The following ELAPOR2 variants were observed in gnomAD, a reference collection of about 807,000 sequenced individuals.
ELAPOR2 encodes the protein endosome-lysosome associated apoptosis and autophagy regulator family member 2, also known as endosome/lysosome-associated apoptosis and autophagy regulator family member 2.
ELAPOR2 carries 89 observed loss-of-function variants against 120.7 expected under a neutral mutation model. That is an observed-to-expected ratio of 0.74 (90% CI 0.62 to 0.88). The LOEUF (loss-of-function observed/expected upper bound fraction) is 0.88. ELAPOR2 is among the 40% of genes least tolerant of loss of function. The pLI is 0.00. For synonymous variants in ELAPOR2, 444 were observed against 444.9 expected (o/e 1.00, Z 0.03); for missense variants, 1,134 against 1,251.6 (o/e 0.91, Z 1.42).
intron 1 of ELAPOR2, among the ~76,000 whole-genome samples, chr7:87,044,236 C>T (rs1460805444): frequency 1.1e-5 from 1 of 94,858 alleles, no homozygotes; most frequent in Non-Finnish European, 2.1e-5. Context: ...TGACTTTCTT[C>T]ACAGAATTGG....
intron 1 of ELAPOR2, among the ~76,000 whole-genome samples, chr7:87,048,251 A>ATT (rs1306590256): frequency 6.6e-6 from 1 of 152,146 alleles, no homozygotes; most frequent in Non-Finnish European, 1.5e-5. Context: ...TAGAAAAAAA[A>ATT]AAAAAAGAAA....
chr7:86,930,470 T>C (rs1173581078), intron 8 of ELAPOR2, among the ~76,000 whole-genome samples: 1 of 151,996 alleles, frequency 6.6e-6, no homozygotes, highest in African/African-American at 2.4e-5. Flanking sequence ...CTATTTTTAA[T>C]ATCCTCTATA....
At chr7:86,925,035 T>C (rs1248963744) in intron 10 of ELAPOR2, among the ~76,000 whole-genome samples, 1 of 152,046 alleles carries the variant, frequency 6.6e-6, no homozygotes, top group African/African-American at 2.4e-5. Context: ...CAACAACTGT[T>C]CTGTAGAACT....
chr7:86,988,520 T>C (rs763742644), intron 1 of ELAPOR2, among the ~76,000 whole-genome samples: 4 of 152,176 alleles, frequency 2.6e-5, no homozygotes, highest in Non-Finnish European at 5.9e-5. Context: ...GCAAATACTA[T>C]GTCATTTTAT....
intron 2 of ELAPOR2, among the ~76,000 whole-genome samples, chr7:86,949,647 C>T (rs1791156103): frequency 6.6e-6 from 1 of 152,182 alleles, no homozygotes; most frequent in Non-Finnish European, 1.5e-5. Flanking sequence ...GAGACGTCTG[C>T]TCCCCCTGCC....
Position 86,899,196 on chromosome 7 carries a change from G to A in ELAPOR2, c.2559-1564C>T, listed in dbSNP as rs555916494. ...CCTCAGCTTGCCTCTTTCATTCTGG[G>A]ACAGGTAAACATAGCATGGCTGAAA... On this transcript the variant is annotated intron_variant, in intron 18 of 21. Coordinates refer to ENST00000450689, the MANE Select transcript of ELAPOR2 (RefSeq NM_001142749.3). Among the ~76,000 whole-genome samples the A allele has an allele frequency of 5.9e-5, 9 of 152,234 alleles. No individual in the cohort carries two copies. The East Asian group carries it at 1.7e-3, about 30-fold the overall frequency.
chr7:87,054,837 T>A (rs1795214170), intron 1 of ELAPOR2, among the ~76,000 whole-genome samples: 1 of 152,172 alleles, frequency 6.6e-6, no homozygotes, highest in African/African-American at 2.4e-5. Context: ...CAATCTTCTC[T>A]CTTCAGTCAT....
At chr7:87,024,541 T>C (rs1048892775) in intron 1 of ELAPOR2, among the ~76,000 whole-genome samples, 1 of 152,198 alleles carries the variant, frequency 6.6e-6, no homozygotes, top group African/African-American at 2.4e-5. Flanking sequence ...TTGTTGTCTC[T>C]CTGCCAGGCT....
chr7:86,959,895 T>A lies in ELAPOR2; in HGVS notation c.310+5009A>T, dbSNP rs537309494. Among the ~76,000 whole-genome samples the A allele has an allele frequency of 2.6e-5, 4 of 152,372 alleles. No individual in the cohort carries two copies. In the South Asian group the frequency reaches 6.2e-4, roughly 24 times the overall value. On this transcript the variant is annotated intron_variant, in intron 2 of 21. Coordinates refer to ENST00000450689, the MANE Select transcript of ELAPOR2 (RefSeq NM_001142749.3). ...TTTTGCTGCATCAAATAAGTTTTAG[T>A]ATTTTTTGTTTCCATTTTCATTTGT...
intron 1 of ELAPOR2, among the ~76,000 whole-genome samples, chr7:86,988,048 C>T (rs886614269): frequency 7.2e-5 from 11 of 152,064 alleles, no homozygotes; most frequent in Non-Finnish European, 1.6e-4. Flanking sequence ...TCCTTTGCAG[C>T]GACATGGAGG....
At chr7:87,031,839 C>G (rs1379237308) in intron 1 of ELAPOR2, among the ~76,000 whole-genome samples, 2 of 152,048 alleles carry the variant, frequency 1.3e-5, no homozygotes. Context: ...TAGTAGACTA[C>G]TACTCAGCAG....
chr7:86,903,097 A>G (rs1461530815), intron 18 of ELAPOR2, among the ~76,000 whole-genome samples: 1 of 152,188 alleles, frequency 6.6e-6, no homozygotes, highest in Non-Finnish European at 1.5e-5. Flanking sequence ...AAATTAACTG[A>G]CATTCCTTAG....
intron 19 of ELAPOR2, among the ~76,000 whole-genome samples, chr7:86,893,442 G>A (rs921387385): frequency 6.6e-6 from 1 of 151,738 alleles, no homozygotes; most frequent in African/African-American, 2.4e-5. Context: ...TACCTTCTGG[G>A]CTATTTTTTT....
intron 1 of ELAPOR2, among the ~76,000 whole-genome samples, chr7:86,977,241 C>T (rs1441618962): frequency 2.0e-5 from 3 of 152,112 alleles, no homozygotes; most frequent in Admixed American, 2.0e-4. Context: ...TTTAAGTAAC[C>T]TCCCAATGTC....
At chr7:86,919,814 T>C (rs1562922472) in intron 10 of ELAPOR2, 1 of 152,774 alleles carries the variant, frequency 6.5e-6, no homozygotes, top group Non-Finnish European at 1.5e-5. Context: ...TGCACTGGGA[T>C]AGGAAGGTAA....
At chr7:86,960,886 A>G (rs889292545) in intron 2 of ELAPOR2, among the ~76,000 whole-genome samples, 1 of 152,130 alleles carries the variant, frequency 6.6e-6, no homozygotes, top group Non-Finnish European at 1.5e-5. Flanking sequence ...AGAAAAAAAA[A>G]GTCTGTATTT....
At chr7:87,051,100 C>A (rs2129017748) in intron 1 of ELAPOR2, among the ~76,000 whole-genome samples, 1 of 152,190 alleles carries the variant, frequency 6.6e-6, no homozygotes, top group African/African-American at 2.4e-5. Flanking sequence ...GGGAGCTATC[C>A]ACATATAGGT....
rs1362523099 is a variant in ELAPOR2, at chr7:86,907,754, G to A, written c.2474C>T (p.Thr825Ile). 1.3e-6 allele frequency: 2 copies of A among 1,566,518 alleles called. No homozygotes were observed. Among genetic ancestry groups the A allele is most frequent in the South Asian group, 2.4e-5 (2 of 82,070 alleles). ...HFFYKSSTAT[T>I]SCINGRSTAV... ...AGTTGATCGGCCATTAATACAAGAT[G>A]TTGTTGCTGTAGAAGACCTATTGTA... Residue 825 changes from threonine (T) to isoleucine (I), a missense_variant, in exon 18 of 22, where the codon ACA (threonine) becomes ATA (isoleucine). Coordinates refer to ENST00000450689, the MANE Select transcript of ELAPOR2 (RefSeq NM_001142749.3).
intron 19 of ELAPOR2, among the ~76,000 whole-genome samples, chr7:86,893,322 A>T (rs1195983783): frequency 2.6e-5 from 4 of 152,092 alleles, no homozygotes; most frequent in Non-Finnish European, 5.9e-5. Flanking sequence ...GAATTAATGA[A>T]TGAAAAATGT....
Sources: gnomAD v4.1 joint callset for allele counts (sites outside exome capture counted in the v4.1 genomes callset) on GRCh38, gnomAD v4.1.1 for gene constraint, MANE v1.5 for transcripts, NCBI Gene and HGNC (gene_info 2026-07-23, HGNC 2026-07-21) for gene names.